MCC: variants seen among roughly 807,000 people sequenced by gnomAD.
MCC encodes the protein colorectal mutant cancer protein.
MCC carries 90 observed loss-of-function variants against 116.2 expected under a neutral mutation model. That is an observed-to-expected ratio of 0.77 (90% CI 0.65 to 0.92). The LOEUF is 0.92. Ranked by LOEUF, MCC falls within the 40% of genes least tolerant of loss-of-function variation. The probability of loss-of-function intolerance (pLI) is 0.00; values close to 1 mark genes in which losing one functional copy is unlikely to be tolerated. For synonymous variants in MCC, 578 were observed against 510.5 expected (o/e 1.13, Z -1.78); for missense variants, 1,516 against 1,312.2 (o/e 1.16, Z -2.40).
chr5:113,055,015 G>A (rs886983544), intron 14 of MCC, among the ~76,000 whole-genome samples: 1 of 152,216 alleles, frequency 6.6e-6, no homozygotes, highest in African/African-American at 2.4e-5. Flanking sequence ...GCCTCCCTAG[G>A]GGTGACTCGC....
At chr5:113,112,608 A>C (rs1757162947) in intron 6 of MCC, among the ~76,000 whole-genome samples, 1 of 152,198 alleles carries the variant, frequency 6.6e-6, no homozygotes, top group African/African-American at 2.4e-5. Context: ...GCAGTGTGAA[A>C]ACGGACTAAT....
intron 17 of MCC, among the ~76,000 whole-genome samples, chr5:113,040,225 T>G (rs1239906990): frequency 6.6e-6 from 1 of 151,508 alleles, no homozygotes; most frequent in Non-Finnish European, 1.5e-5. Flanking sequence ...CAGAAGAAAG[T>G]TAGGAGAAGA....
chr5:113,337,264 A>G (rs1581409467), intron 3 of MCC, among the ~76,000 whole-genome samples: 1 of 152,176 alleles, frequency 6.6e-6, no homozygotes, highest in East Asian at 1.9e-4. Flanking sequence ...GCAGCTTCCC[A>G]GTGAATCCCT....
At chr5:113,412,279 T>C (rs1454958733) in intron 1 of MCC, among the ~76,000 whole-genome samples, 2 of 152,208 alleles carry the variant, frequency 1.3e-5, no homozygotes, top group African/African-American at 4.8e-5. Context: ...CCATATGAAC[T>C]TTAAAGTAGT....
chr5:113,087,579 A>C (rs910880118), intron 8 of MCC, among the ~76,000 whole-genome samples: 1 of 152,080 alleles, frequency 6.6e-6, no homozygotes, highest in Non-Finnish European at 1.5e-5. Context: ...GACTGGGGGA[A>C]ACCTCCCGGT....
chr5:113,171,687 T>A (rs912284177), intron 3 of MCC, among the ~76,000 whole-genome samples: 1 of 152,082 alleles, frequency 6.6e-6, no homozygotes, highest in Admixed American at 6.6e-5. Flanking sequence ...ACCCAGAACA[T>A]CTAATTGGTG....
Position 113,053,774 on chromosome 5 carries a change from C to T in MCC, c.2399G>A (p.Arg800Lys). ...AAGCACTGCGTTTTCCAGATCCAGC[C>T]TCTGGCTGTCTCCCCGAGGCTTGAC... is the stretch of plus-strand genomic sequence containing the variant. ...YDVKPRGDSQ[R>K]LDLENAVLMQ... The change falls in exon 15 of 19, where the codon AGG (arginine) becomes AAG (lysine). Residue 800 changes from arginine to lysine, a missense_variant. By Grantham distance (26) the Arg-to-Lys change is conservative. Coordinates refer to ENST00000408903, the MANE Select transcript of MCC (RefSeq NM_001085377.2). 1 of 1,613,858 alleles carries T rather than the reference C, an allele frequency of 6.2e-7. No individual in the cohort carries two copies.
chr5:113,314,002 A>G (rs1767211830), intron 3 of MCC, among the ~76,000 whole-genome samples: 1 of 152,066 alleles, frequency 6.6e-6, no homozygotes, highest in Non-Finnish European at 1.5e-5. Context: ...TATTTTTTGC[A>G]GAGACATGAT....
At chr5:113,246,300 A>G (rs1764572318) in intron 3 of MCC, among the ~76,000 whole-genome samples, 1 of 152,206 alleles carries the variant, frequency 6.6e-6, no homozygotes, top group Non-Finnish European at 1.5e-5. Flanking sequence ...TGAAATATTT[A>G]CTTTTTAAAT....
At chr5:113,116,217 T>C (rs1373621383) in intron 6 of MCC, among the ~76,000 whole-genome samples, 1 of 152,180 alleles carries the variant, frequency 6.6e-6, no homozygotes, top group Non-Finnish European at 1.5e-5. Context: ...AGTGAGAGGA[T>C]TTCCACGCCA....
chr5:113,023,954 C>T lies in MCC; in HGVS notation c.*3348G>A, dbSNP rs375663853. The T allele has an allele frequency of 2.6e-5, 4 of 152,278 alleles. No homozygotes were observed. Among genetic ancestry groups the T allele is most frequent in the African/African-American group, 9.6e-5 (4 of 41,564 alleles). 9.4% of individuals were successfully genotyped at this position (152,278 alleles called of 1,614,324 possible). A position where few individuals can be genotyped will look rare whatever the true frequency, so the allele number is the denominator to read the frequency against. On this transcript the variant is annotated 3_prime_UTR_variant, in exon 19 of 19. Transcript: ENST00000408903. ...CAATCTTGATCGGGTAACTACGGTGCACTTTTTTCTCATTTAAAATAATCT... is the reference window on the plus strand; with the variant it reads ...CAATCTTGATCGGGTAACTACGGTGTACTTTTTTCTCATTTAAAATAATCT...
rs1361482244 is a variant in MCC at position 113,092,243 on chromosome 5, C to T, written c.1399-6933G>A. Among the ~76,000 whole-genome samples the T allele has an allele frequency of 2.6e-5, 4 of 152,182 alleles. No individual in the cohort carries two copies. In the East Asian group the frequency reaches 7.7e-4, roughly 29 times the overall value. ...GGTGGACTCAGAAGTCACAAGACCCCTCTAAGAGGGAAGCAGGAGTGCCAG... is the reference window on the plus strand; with the variant it reads ...GGTGGACTCAGAAGTCACAAGACCCTTCTAAGAGGGAAGCAGGAGTGCCAG... On this transcript the variant is annotated intron_variant, in intron 8 of 18. Coordinates refer to ENST00000408903, the MANE Select transcript of MCC (RefSeq NM_001085377.2).
At chr5:113,296,868 C>G (rs149853296) in intron 3 of MCC, among the ~76,000 whole-genome samples, 1 of 151,992 alleles carries the variant, frequency 6.6e-6, no homozygotes, top group Non-Finnish European at 1.5e-5. Flanking sequence ...ATTTTTCATA[C>G]GACTCTACCC....
chr5:113,162,978 G>A (rs186211104), intron 3 of MCC, among the ~76,000 whole-genome samples: 26 of 152,294 alleles, frequency 1.7e-4, no homozygotes, highest in African/African-American at 6.3e-4. Flanking sequence ...ATTAATCAGA[G>A]TAATCTAGAG....
chr5:113,080,718 G>T (rs775293692), intron 11 of MCC, among the ~76,000 whole-genome samples: 167 of 150,958 alleles, frequency 1.1e-3, no homozygotes, highest in South Asian at 8.3e-4. Context: ...TGAGTTGATG[G>T]GTGCAGCACA....
chr5:113,030,321 G>A (rs1750867391), intron 17 of MCC, among the ~76,000 whole-genome samples: 1 of 152,098 alleles, frequency 6.6e-6, no homozygotes, highest in African/African-American at 2.4e-5. Context: ...GAGACAAGCA[G>A]GGAACTGGTT....
intron 8 of MCC, among the ~76,000 whole-genome samples, chr5:113,098,673 A>C (rs1486515705): frequency 1.1e-4 from 17 of 152,216 alleles, no homozygotes; most frequent in Admixed American, 1.1e-3. Context: ...TTAAAGATCT[A>C]ATTTAATTAA....
intron 3 of MCC, among the ~76,000 whole-genome samples, chr5:113,213,653 A>G (rs931665407): frequency 6.6e-6 from 1 of 152,228 alleles, no homozygotes; most frequent in African/African-American, 2.4e-5. Context: ...AGGCAAGCTC[A>G]GGGCTCTTTT....
chr5:113,073,329 C>A (rs1754176223), intron 11 of MCC, among the ~76,000 whole-genome samples: 1 of 152,234 alleles, frequency 6.6e-6, no homozygotes, highest in Non-Finnish European at 1.5e-5. Context: ...GCCAGAGCTG[C>A]CCTGGCATAC....
Sources: allele counts gnomAD v4.1 joint callset (sites outside exome capture counted in the v4.1 genomes callset), GRCh38; gene constraint gnomAD v4.1.1; transcripts MANE v1.5; gene names NCBI Gene and HGNC (gene_info 2026-07-23, HGNC 2026-07-21).